The following SPTB variants were observed in gnomAD, a reference collection of about 807,000 sequenced individuals.
SPTB encodes the protein spectrin beta, erythrocytic.
In SPTB, 45 loss-of-function variants were observed where a neutral mutation model predicts 256.2. That is an observed-to-expected ratio of 0.18 (90% CI 0.14 to 0.23). The LOEUF (loss-of-function observed/expected upper bound fraction) is 0.23. Ranked by LOEUF, SPTB falls within the 10% of genes least tolerant of loss-of-function variation. SPTB has a pLI of 1.00. For synonymous variants in SPTB, 1,231 were observed against 1,243.1 expected, an observed-to-expected ratio of 0.99 and a Z score of 0.21; for missense variants, 2,715 against 3,040.4, an observed-to-expected ratio of 0.89 and a Z score of 2.52.
intron 1 of SPTB, among the ~76,000 whole-genome samples, chr14:64,875,826 A>G (rs1882797960): frequency 6.6e-6 from 1 of 152,192 alleles, no homozygotes; most frequent in African/African-American, 2.4e-5. Context: ...CAAATTTCTC[A>G]TCAGCCCACA....
chr14:64,838,119 C>T (rs1594830588), intron 1 of SPTB, among the ~76,000 whole-genome samples: 3 of 152,046 alleles, frequency 2.0e-5, no homozygotes, highest in Non-Finnish European at 4.4e-5. Context: ...ACATATATGG[C>T]CAATTATTTC....
At chr14:64,781,642 T>G (rs2139541987) in intron 20 of SPTB, among the ~76,000 whole-genome samples, 1 of 152,312 alleles carries the variant, frequency 6.6e-6, no homozygotes, top group African/African-American at 2.4e-5. Flanking sequence ...TCAACCATTG[T>G]TGAAAGTGGT....
chr14:64,766,911 C>G, intron 31 of SPTB, 110 bp from the exon 32 acceptor site: 1 of 1,349,112 alleles, frequency 7.4e-7, no homozygotes, highest in South Asian at 1.2e-5. Context: ...CAAATAGCTC[C>G]CCCTCCAGTC....
Position 64,779,815 on chromosome 14 carries a change from C to T in SPTB, c.4383G>A (p.Leu1461=), listed in dbSNP as rs2082431356. The change falls in exon 21 of 36, where the codon CTG becomes CTA. Residue 1461 remains leucine, a synonymous_variant. Transcript: ENST00000644917. The surrounding 1 kb of genome is among the most constrained non-coding windows in gnomAD (Gnocchi z 4.2). ...TCCTTCCTAGGGGTTCCAGGAGGTC[C>T]AGGAACCGCTTCTCGATGCTCAAGT... ...DADLSIEKRF[L]DLLEPLGRRK... 6.2e-7 allele frequency: 1 copy of T among 1,614,008 alleles called. No homozygotes were observed. Among genetic ancestry groups the T allele is most frequent in the African/African-American group, 1.3e-5 (1 of 74,874 alleles).
intron 32 of SPTB, chr14:64,754,259 C>T (rs887161048): frequency 1.4e-5 from 4 of 276,398 alleles, no homozygotes; most frequent in Non-Finnish European, 2.1e-5. Context: ...TGAATGGGAA[C>T]TCTTCTGGTA....
chr14:64,749,639 G>A lies in SPTB; in HGVS notation c.6819+15C>T. ...CCCTTCTTAGCCAGGTCTGGGCTAG[G>A]CTGCCCGCGCTTACCTCATCCTTGC... On this transcript the variant is annotated intron_variant, in intron 35 of 35. Transcript: ENST00000644917. The surrounding 1 kb of genome is among the most constrained non-coding windows in gnomAD (Gnocchi z 4.7). 1.2e-6 allele frequency: 2 copies of A among 1,613,464 alleles called. No homozygotes were observed. Among genetic ancestry groups the A allele is most frequent in the Non-Finnish European group, 1.7e-6 (2 of 1,179,916 alleles).
At chr14:64,803,583 T>C in intron 4 of SPTB, 24 bp downstream of exon 4, 1 of 1,613,872 alleles carries the variant, frequency 6.2e-7, no homozygotes, top group Non-Finnish European at 8.5e-7. Flanking sequence ...CTCCCTCGAC[T>C]TCCTCTACCC....
Position 64,780,838 on chromosome 14 carries a change from C to T in SPTB, c.4267-907G>A, listed in dbSNP as rs556522863. On this transcript the variant is annotated intron_variant, in intron 20 of 35. Transcript: ENST00000644917. ...GAATTCAGATTATACTACAAGGCTA[C>T]AGTGACAAAAACAGCATGGTATTGG... Among the ~76,000 whole-genome samples the T allele has an allele frequency of 3.9e-5, 6 of 152,286 alleles. No individual in the cohort carries two copies. The South Asian group carries it at 1.0e-3, about 26-fold the overall frequency.
intron 2 of SPTB, among the ~76,000 whole-genome samples, chr14:64,811,633 C>T (rs1024670145): frequency 1.3e-5 from 2 of 152,196 alleles, no homozygotes; most frequent in African/African-American, 4.8e-5. Context: ...CAACCCCCAA[C>T]ATAGATCAGC....
chr14:64,781,014 C>T (rs1353110570), intron 20 of SPTB, among the ~76,000 whole-genome samples: 5 of 152,184 alleles, frequency 3.3e-5, no homozygotes, highest in Admixed American at 2.6e-4. Context: ...GGAGAACTGG[C>T]TAGCCATATG....
At chr14:64,804,414 A>C (rs1425831196) in intron 3 of SPTB, among the ~76,000 whole-genome samples, 2 of 152,228 alleles carry the variant, frequency 1.3e-5, no homozygotes, top group Non-Finnish European at 2.9e-5. Flanking sequence ...AATGGAGGAA[A>C]AGAGGGTCCT....
At chr14:64,838,714 T>TA (rs994765690) in intron 1 of SPTB, among the ~76,000 whole-genome samples, 66 of 148,542 alleles carry the variant, frequency 4.4e-4, no homozygotes, top group African/African-American at 1.2e-3. Context: ...AGAACGGCTT[T>TA]AAAAAAAAAA....
At chr14:64,766,301 T>TGTGTAG (rs1002369565) in intron 32 of SPTB, 1 of 854,806 alleles carries the variant, frequency 1.2e-6, no homozygotes, top group African/African-American at 1.8e-5. Flanking sequence ...CATGTGCCTG[T>TGTGTAG]GTGTAGGTGT....
At chr14:64,867,021 T>C (rs1882223629) in intron 1 of SPTB, among the ~76,000 whole-genome samples, 2 of 152,196 alleles carry the variant, frequency 1.3e-5, no homozygotes, top group African/African-American at 2.4e-5. Context: ...GGAGTGACTG[T>C]ATTCTGGATG....
rs751016084 is a variant in SPTB at position 64,773,391 on chromosome 14, G to C, written c.5007C>G (p.Asp1669Glu). The C allele has an allele frequency of 3.7e-6, 6 of 1,614,166 alleles. No individual in the cohort carries two copies. The highest frequency in any genetic ancestry group is 5.1e-6 in the Non-Finnish European group (6 of 1,180,040). The change falls in exon 25 of 36, where the codon GAC becomes GAG. Residue 1669 changes from aspartate (D) to glutamate (E), a missense_variant. Asp to Glu is a conservative substitution (Grantham distance 45). This residue lies in a region of SPTB where 2,239 missense variants were observed against 2,384.4 expected (regional missense o/e 0.94). Transcript: ENST00000644917. ...EQIIRLQGQVDKHYAGLKDVA... is the reference protein window; with the variant it reads ...EQIIRLQGQVEKHYAGLKDVA... ...CGTCCTTCAGCCCTGCGTAGTGCTT[G>C]TCCACTTGCCCCTGAAGTCTGATGA...
At chr14:64,794,165 T>C (rs2082725791) in intron 13 of SPTB, among the ~76,000 whole-genome samples, 1 of 152,226 alleles carries the variant, frequency 6.6e-6, no homozygotes, top group Non-Finnish European at 1.5e-5. Flanking sequence ...TCTTGAAAGA[T>C]GCAGTGAGGT....
chr14:64,764,418 CGTTT>C lies in SPTB; in HGVS notation c.6345+2304_6345+2307del, dbSNP rs2082136739. Among the ~76,000 whole-genome samples the C allele has an allele frequency of 1.3e-5, 2 of 152,200 alleles. No individual in the cohort carries two copies. Among genetic ancestry groups the C allele is most frequent in the Admixed American group, 6.5e-5 (1 of 15,286 alleles). Reference sequence around the variant, plus strand: ...GTGCGTGAGGCCTTGGGTCTGTGTTCGTTTGAGTCACCATCTGGTTTCTTTCCGG... The same window carrying C: ...GTGCGTGAGGCCTTGGGTCTGTGTTCGAGTCACCATCTGGTTTCTTTCCGG... On this transcript the variant is annotated intron_variant, in intron 32 of 35. Coordinates refer to ENST00000644917, the MANE Select transcript of SPTB (RefSeq NM_001355436.2). This position sits in a 1 kb window ranked among gnomAD's most constrained non-coding sequence, Gnocchi z 4.2.
Position 64,845,002 on chromosome 14 carries a change from A to G in SPTB, c.-51-21857T>C, listed in dbSNP as rs2083665975. Among the ~76,000 whole-genome samples the G allele has an allele frequency of 6.6e-6, 1 of 152,248 alleles. No individual in the cohort carries two copies. The highest frequency in any genetic ancestry group is 1.5e-5 in the Non-Finnish European group (1 of 68,040). On this transcript the variant is annotated intron_variant, in intron 1 of 35. Transcript: ENST00000644917. The surrounding 1 kb of genome is among the most constrained non-coding windows in gnomAD (Gnocchi z 4.8). ...GTCTTTGAGCTCTTGCTCTCACTGCATACAATACTTCCTTGTTAAAGAGAG... is the reference window on the plus strand; with the variant it reads ...GTCTTTGAGCTCTTGCTCTCACTGCGTACAATACTTCCTTGTTAAAGAGAG...
rs138242054 is a variant in SPTB, at chr14:64,852,416, G to A, written c.-52+27376C>T. 6.6e-6 allele frequency among the ~76,000 whole-genome samples: 1 copy of A among 152,308 alleles called. No homozygotes were observed. The highest frequency in any genetic ancestry group is 1.9e-4 in the East Asian group (1 of 5,190). Reference sequence around the variant, plus strand: ...GAGCAGTGGGGAGTCAGTGAAGGGTGCTAAATGGAACAGCATGGCTAGGCT... The same window carrying A: ...GAGCAGTGGGGAGTCAGTGAAGGGTACTAAATGGAACAGCATGGCTAGGCT... On this transcript the variant is annotated intron_variant, in intron 1 of 35. Transcript: ENST00000644917. The surrounding 1 kb of genome is among the most constrained non-coding windows in gnomAD (Gnocchi z 4.2).
Sources: gnomAD v4.1 joint callset for allele counts (sites outside exome capture counted in the v4.1 genomes callset) on GRCh38, gnomAD v4.1.1 for gene constraint, gnomAD v4.1.1 regional missense constraint, Gnocchi (gnomAD v3.1) non-coding constraint, MANE v1.5 for transcripts, NCBI Gene and HGNC (gene_info 2026-07-23, HGNC 2026-07-21) for gene names.